The following SENP6 variants were observed in gnomAD, a reference collection of about 807,000 sequenced individuals.
The protein encoded by SENP6 is sentrin-specific protease 6.
In SENP6, 41 loss-of-function variants were observed where a neutral mutation model predicts 134.5. The ratio of observed to expected loss-of-function variants is 0.30; its 90% CI spans 0.24 to 0.40. The LOEUF (loss-of-function observed/expected upper bound fraction) is 0.40. Among genes scored for constraint, SENP6 ranks in the 10% least tolerant of loss-of-function variants. The pLI, the probability that SENP6 is intolerant of heterozygous loss-of-function variation, is 1.00. For missense variants in SENP6, 1,248 were observed against 1,312.5 expected, an observed-to-expected ratio of 0.95 and a Z score of 0.76; for synonymous variants, 395 against 429.8, an observed-to-expected ratio of 0.92 and a Z score of 1.00.
intron 6 of SENP6, among the ~76,000 whole-genome samples, chr6:75,641,986 T>C (rs1005638099): frequency 6.6e-6 from 1 of 152,212 alleles, no homozygotes; most frequent in Admixed American, 6.5e-5. Context: ...GATGGATTAA[T>C]ATTTTGAATT....
intron 19 of SENP6, among the ~76,000 whole-genome samples, chr6:75,708,121 G>A (rs1251744127): frequency 2.6e-5 from 4 of 152,086 alleles, no homozygotes; most frequent in African/African-American, 7.2e-5. Flanking sequence ...GTACAGTGGC[G>A]CAGTCTTGGC....
chr6:75,686,402 GT>G (rs1773843879), intron 16 of SENP6, among the ~76,000 whole-genome samples: 1 of 152,200 alleles, frequency 6.6e-6, no homozygotes, highest in Non-Finnish European at 1.5e-5. Flanking sequence ...TACATTTAAA[GT>G]TAACATTGTT....
intron 3 of SENP6, among the ~76,000 whole-genome samples, chr6:75,632,348 G>A (rs1769176502): frequency 6.6e-6 from 1 of 152,090 alleles, no homozygotes; most frequent in African/African-American, 2.4e-5. Flanking sequence ...TAGTATTTTT[G>A]GATAAGTCCT....
chr6:75,689,182 T>C (rs1774060215), intron 16 of SENP6, among the ~76,000 whole-genome samples: 1 of 152,182 alleles, frequency 6.6e-6, no homozygotes, highest in Non-Finnish European at 1.5e-5. Flanking sequence ...CGGTGAGCTA[T>C]GATTACACAC....
intron 7 of SENP6, among the ~76,000 whole-genome samples, chr6:75,653,752 C>A (rs1346632808): frequency 1.3e-5 from 2 of 151,834 alleles, no homozygotes; most frequent in African/African-American, 2.4e-5. Flanking sequence ...TTCAAGCTGG[C>A]CTTGTGCCCC....
intron 6 of SENP6, among the ~76,000 whole-genome samples, chr6:75,643,336 A>G (rs2647401): frequency 0.31 from 47,682 of 152,124 alleles, 8,799 homozygotes; most frequent in Admixed American, 0.48. Flanking sequence ...TAAAATAACA[A>G]TGTGAAAGTA....
chr6:75,627,667 A>C (rs1000036339), intron 3 of SENP6, among the ~76,000 whole-genome samples: 3 of 152,124 alleles, frequency 2.0e-5, no homozygotes, highest in African/African-American at 7.2e-5. Flanking sequence ...TCATGTACAC[A>C]TATGTAGCTT....
At chr6:75,705,681 G>A in intron 19 of SENP6, among the ~76,000 whole-genome samples, 1 of 151,800 alleles carries the variant, frequency 6.6e-6, no homozygotes, top group South Asian at 2.1e-4. Context: ...CCCATAACAT[G>A]CTATAGTGTG....
At chr6:75,624,156 C>G (rs1018060798) in intron 3 of SENP6, among the ~76,000 whole-genome samples, 196 bp downstream of exon 3, 1 of 152,122 alleles carries the variant, frequency 6.6e-6, no homozygotes, top group African/African-American at 2.4e-5. Context: ...ATTTCCACCT[C>G]CCATGTTACA....
chr6:75,637,999 G>T (rs983455774), intron 5 of SENP6, among the ~76,000 whole-genome samples: 121 of 152,128 alleles, frequency 8.0e-4, no homozygotes, highest in African/African-American at 2.6e-3. Flanking sequence ...AATTACAGGC[G>T]TGTGCCACCA....
chr6:75,695,726 G>A (rs1173838379), intron 16 of SENP6, 78 bp from the exon 17 acceptor site: 1 of 1,212,296 alleles, frequency 8.2e-7, no homozygotes, highest in Non-Finnish European at 1.1e-6. Context: ...AACAGAGTGA[G>A]ACTCTGTCTC....
At chr6:75,614,459 G>A (rs1001465656) in intron 1 of SENP6, among the ~76,000 whole-genome samples, 2 of 151,836 alleles carry the variant, frequency 1.3e-5, no homozygotes, top group African/African-American at 4.8e-5. Context: ...GTAGAGATGG[G>A]GAATTACCAT....
rs1771076197 is a variant in SENP6, at chr6:75,653,492, T to C, written c.550+5691T>C. On this transcript the variant is annotated intron_variant, in intron 7 of 23. Coordinates refer to ENST00000447266, the MANE Select transcript of SENP6 (RefSeq NM_015571.4). Reference sequence around the variant, plus strand: ...CCTTGTAGATTTATTTTTATTTATTTACATGTTTTTACATGTACATCATTT... The same window carrying C: ...CCTTGTAGATTTATTTTTATTTATTCACATGTTTTTACATGTACATCATTT... Among the ~76,000 whole-genome samples, 4 of 152,232 alleles carry C rather than the reference T, an allele frequency of 2.6e-5. No individual in the cohort carries two copies. The South Asian group carries it at 8.3e-4, about 31-fold the overall frequency.
Position 75,653,886 on chromosome 6 carries a change from G to C in SENP6, c.551-5376G>C, listed in dbSNP as rs1453938276. 3.3e-5 allele frequency among the ~76,000 whole-genome samples: 5 copies of C among 152,120 alleles called. No individual in the cohort carries two copies. The East Asian group carries it at 7.7e-4, about 23-fold the overall frequency. ...CCAATTTAAAATGTGGTATCATAAA[G>C]GAGTGGTCACTGCCCTTTTCTGGAG... On this transcript the variant is annotated intron_variant, in intron 7 of 23. Coordinates refer to ENST00000447266, the MANE Select transcript of SENP6 (RefSeq NM_015571.4).
At chr6:75,611,516 T>TAA (rs1767447789) in intron 1 of SENP6, 1 of 152,232 alleles carries the variant, frequency 6.6e-6, no homozygotes, top group African/African-American at 2.4e-5. Flanking sequence ...CTTTCAAAGT[T>TAA]AAAGTGTTTC....
intron 11 of SENP6, 127 bp from the exon 12 acceptor site, chr6:75,675,308 C>A: frequency 1.8e-6 from 1 of 558,014 alleles, no homozygotes; most frequent in Non-Finnish European, 3.2e-6. Flanking sequence ...AATGTTATAC[C>A]AACTTCTCTG....
chr6:75,664,494 TATTGTCCCTA>T, intron 9 of SENP6, among the ~76,000 whole-genome samples: 1 of 152,280 alleles, frequency 6.6e-6, no homozygotes, highest in Non-Finnish European at 1.5e-5. Context: ...TAGATACCCT[TATTGTCCCTA>T]ATTCTACAGA....
chr6:75,639,415 A>G (rs562770966), intron 5 of SENP6, among the ~76,000 whole-genome samples: 1 of 151,976 alleles, frequency 6.6e-6, no homozygotes, highest in Non-Finnish European at 1.5e-5. Context: ...TAATGTGTTC[A>G]TGTAAAAACA....
intron 7 of SENP6, among the ~76,000 whole-genome samples, chr6:75,652,703 A>AAAAAAAAAAAAAAAAAAAAAAAAAT (rs1770989761): frequency 1.5e-5 from 2 of 134,552 alleles, no homozygotes; most frequent in African/African-American, 2.6e-5. Context: ...AAAAAAAAAA[A>AAAAAAAAAAAAAAAAAAAAAAAAAT]GAAAAAGAAA....
Sources: gnomAD v4.1 joint callset for allele counts (sites outside exome capture counted in the v4.1 genomes callset) on GRCh38, gnomAD v4.1.1 for gene constraint, MANE v1.5 for transcripts, NCBI Gene and HGNC (gene_info 2026-07-23, HGNC 2026-07-21) for gene names.